SLC20A2: variants seen among roughly 807,000 people sequenced by gnomAD.
SLC20A2 encodes the protein sodium-dependent phosphate transporter 2.
In SLC20A2, 30 loss-of-function variants were observed where a neutral mutation model predicts 61.0. The observed-to-expected ratio is 0.49, with a 90% confidence interval of 0.37 to 0.67. The LOEUF (loss-of-function observed/expected upper bound fraction) is 0.67. SLC20A2 is among the 30% of genes least tolerant of loss of function. The pLI is 0.00. For synonymous variants in SLC20A2, 351 were observed against 353.3 expected (o/e 0.99, Z 0.07); for missense variants, 626 against 866.4 (o/e 0.72, Z 3.48).
At chr8:42,476,818 C>A (rs1239506968) in intron 1 of SLC20A2, among the ~76,000 whole-genome samples, 1 of 152,230 alleles carries the variant, frequency 6.6e-6, no homozygotes, top group African/African-American at 2.4e-5. Flanking sequence ...AAGGAACATT[C>A]ATTTCTCCTG....
chr8:42,506,027 C>T (rs1332298225), upstream of SLC20A2, among the ~76,000 whole-genome samples: 4 of 152,038 alleles, frequency 2.6e-5, no homozygotes, highest in East Asian at 1.9e-4. Flanking sequence ...CTGCAACGTC[C>T]GCCTCCTGTG....
chr8:42,441,374 G>A (rs995686306), intron 6 of SLC20A2, among the ~76,000 whole-genome samples: 7 of 148,856 alleles, frequency 4.7e-5, no homozygotes, highest in South Asian at 2.1e-4. Flanking sequence ...AGCTTGTCTC[G>A]AAATCCTGAC....
chr8:42,429,221 G>A (rs927637635), intron 9 of SLC20A2, among the ~76,000 whole-genome samples: 5 of 152,140 alleles, frequency 3.3e-5, no homozygotes, highest in Non-Finnish European at 5.9e-5. Flanking sequence ...CTCGGATTAC[G>A]AATTTTTCTT....
At chr8:42,429,566 T>C (rs1023536220) in intron 9 of SLC20A2, among the ~76,000 whole-genome samples, 6 of 152,238 alleles carry the variant, frequency 3.9e-5, no homozygotes, top group South Asian at 2.1e-4. Flanking sequence ...AGCTGAAGGC[T>C]ATGCGGTTGA....
chr8:42,440,224 A>T (rs968430573), intron 6 of SLC20A2, among the ~76,000 whole-genome samples: 2 of 152,194 alleles, frequency 1.3e-5, no homozygotes. Flanking sequence ...CAACAACCAA[A>T]AAAGGGTCAG....
At chr8:42,448,866 C>A (rs1805440169) in intron 5 of SLC20A2, among the ~76,000 whole-genome samples, 2 of 152,118 alleles carry the variant, frequency 1.3e-5, no homozygotes, top group African/African-American at 2.4e-5. Context: ...CAGATGAGCA[C>A]AAGGATTTAC....
chr8:42,496,476 C>G (rs1312973316), intron 1 of SLC20A2, among the ~76,000 whole-genome samples: 1 of 152,052 alleles, frequency 6.6e-6, no homozygotes, highest in Non-Finnish European at 1.5e-5. Flanking sequence ...TAGGGGACTC[C>G]TAGGAGTAAC....
At chr8:42,493,129 C>A (rs1369616015) in intron 1 of SLC20A2, among the ~76,000 whole-genome samples, 1 of 152,208 alleles carries the variant, frequency 6.6e-6, no homozygotes, top group Non-Finnish European at 1.5e-5. Context: ...CAATGACCAT[C>A]AAAAGTACTT....
intron 5 of SLC20A2, among the ~76,000 whole-genome samples, chr8:42,448,113 T>C (rs1805373397): frequency 6.6e-6 from 1 of 152,236 alleles, no homozygotes. Flanking sequence ...GTACCCGCTC[T>C]TTACCAACGT....
chr8:42,461,712 A>G (rs1436878155), intron 4 of SLC20A2, among the ~76,000 whole-genome samples: 1 of 152,130 alleles, frequency 6.6e-6, no homozygotes, highest in African/African-American at 2.4e-5. Context: ...CTGGCCTAAA[A>G]TAACTTAGTC....
chr8:42,528,531 A>G (rs1177172540), intron 1 of SLC20A2, among the ~76,000 whole-genome samples: 1 of 152,158 alleles, frequency 6.6e-6, no homozygotes, highest in Non-Finnish European at 1.5e-5. Flanking sequence ...TCAAGGGGAA[A>G]TATTTGAAAA....
In SLC20A2 at chr8:42,509,234, G is replaced by GA. The variant is rs565554845; in HGVS notation, c.-265+32586dup. ...CACCAAGAACAGTACCTGGTATGTA[G>GA]AAAATGCTAAACACACTTAAATGTT... On this transcript the variant is annotated intron_variant, in intron 1 of 10. Coordinates refer to the SLC20A2 transcript ENST00000342228. Among the ~76,000 whole-genome samples, 17 of 152,328 alleles carry GA rather than the reference G, an allele frequency of 1.1e-4. No individual in the cohort carries two copies. In the East Asian group the frequency reaches 3.1e-3, roughly 28 times the overall value.
chr8:42,492,756 T>G (rs950781468), intron 1 of SLC20A2, among the ~76,000 whole-genome samples: 3 of 151,904 alleles, frequency 2.0e-5, no homozygotes, highest in Non-Finnish European at 4.4e-5. Context: ...TGGCGCCATC[T>G]CGGCTCACTG....
chr8:42,490,057 A>G (rs913173019), intron 1 of SLC20A2, among the ~76,000 whole-genome samples: 1 of 152,234 alleles, frequency 6.6e-6, no homozygotes, highest in Non-Finnish European at 1.5e-5. Context: ...TTGGTCTTAC[A>G]AAGCTGGATT....
chr8:42,466,685 T>C (rs537578875), intron 2 of SLC20A2, among the ~76,000 whole-genome samples: 17 of 152,284 alleles, frequency 1.1e-4, no homozygotes, highest in African/African-American at 3.6e-4. Context: ...TTTTTTCTTT[T>C]GTAGAGACAG....
At chr8:42,444,056 G>A (rs1029035691) in intron 6 of SLC20A2, among the ~76,000 whole-genome samples, 1 of 152,196 alleles carries the variant, frequency 6.6e-6, no homozygotes, top group African/African-American at 2.4e-5. Context: ...CACATGGGTT[G>A]TTTCCACTTT....
chr8:42,447,492 A>G (rs1805311662), intron 5 of SLC20A2, among the ~76,000 whole-genome samples: 1 of 152,104 alleles, frequency 6.6e-6, no homozygotes, highest in South Asian at 2.1e-4. Context: ...CCTGGCTAAC[A>G]CGGTGAAACC....
chr8:42,441,480 T>C (rs1804780014), intron 6 of SLC20A2, among the ~76,000 whole-genome samples: 1 of 151,392 alleles, frequency 6.6e-6, no homozygotes. Flanking sequence ...TGTTTGTTTG[T>C]TTGTTTTGAG....
At chr8:42,474,793 C>T (rs1807923271) in intron 1 of SLC20A2, among the ~76,000 whole-genome samples, 1 of 152,162 alleles carries the variant, frequency 6.6e-6, no homozygotes, top group Non-Finnish European at 1.5e-5. Context: ...TGTCTATAAA[C>T]TGGTGACAAG....
Sources: allele counts gnomAD v4.1 joint callset (sites outside exome capture counted in the v4.1 genomes callset), GRCh38; gene constraint gnomAD v4.1.1; transcripts MANE v1.5; gene names NCBI Gene and HGNC (gene_info 2026-07-23, HGNC 2026-07-21).